Variants in CDKL5 observed in about 807,000 individuals in gnomAD.
CDKL5 encodes cyclin-dependent kinase-like 5.
In CDKL5, 8 loss-of-function variants were observed where a neutral mutation model predicts 61.7. That is an observed-to-expected ratio of 0.13 (90% CI 0.08 to 0.23). The LOEUF (loss-of-function observed/expected upper bound fraction) is 0.23, where lower values mean the gene tolerates loss of function less well. Ranked by LOEUF, CDKL5 falls within the 10% of genes least tolerant of loss-of-function variation. The pLI is 1.00. For missense variants in CDKL5, 440 were observed against 734.5 expected (o/e 0.60, Z 4.63); for synonymous variants, 275 against 272.3 (o/e 1.01, Z -0.10).
At chrX:18,430,946 C>T (rs1353428011) in intron 1 of CDKL5, among the ~76,000 whole-genome samples, 1 of 109,405 alleles carries the variant, frequency 9.1e-6, no homozygotes, top group Admixed American at 9.8e-5. Context: ...GCCGCAACCT[C>T]CGCCCCCCAG....
At chrX:18,565,481 A>G (rs1924939030) in intron 4 of CDKL5, among the ~76,000 whole-genome samples, 1 of 112,025 alleles carries the variant, frequency 8.9e-6, no homozygotes. Flanking sequence ...TTGAAAAACT[A>G]TGGTCTAAGA....
At chrX:18,595,576 A>T (rs1325418388) in intron 10 of CDKL5, 148 bp downstream of exon 10, 3 of 457,038 alleles carry the variant, frequency 6.6e-6, no homozygotes, top group Non-Finnish European at 1.2e-5. Flanking sequence ...ATTAAAAGGC[A>T]TGTAACTTAT....
chrX:18,630,489 T>A lies in CDKL5; in HGVS notation c.*1732T>A. 1.3e-6 allele frequency: 1 copy of A among 753,644 alleles called. No homozygotes were observed. Among genetic ancestry groups the A allele is most frequent in the Non-Finnish European group, 1.6e-6 (1 of 638,910 alleles). The allele number at this position is 753,644 out of a possible 1,213,427, so 62.1% of individuals were successfully genotyped here. A position where few individuals can be genotyped will look rare whatever the true frequency, so the allele number is the denominator to read the frequency against. ...GTGTCAGCCCCTGCATCAAGTCAGC[T>A]ATGATCAAAATGTGCTGTTACTGTT... On this transcript the variant is annotated 3_prime_UTR_variant, in exon 18 of 18. Coordinates refer to ENST00000623535, the MANE Select transcript of CDKL5 (RefSeq NM_001323289.2).
intron 3 of CDKL5, among the ~76,000 whole-genome samples, chrX:18,532,932 A>G: frequency 8.9e-6 from 1 of 111,991 alleles, no homozygotes; most frequent in African/African-American, 3.2e-5. Context: ...ACAAATTAGC[A>G]GTATATTTAA....
downstream of CDKL5, among the ~76,000 whole-genome samples, chrX:18,643,732 G>T (rs1224977250): frequency 1.8e-5 from 2 of 111,185 alleles, no homozygotes; most frequent in Admixed American, 1.9e-4. Context: ...CTGATTAAAT[G>T]TTGAAATTAG....
intron 21 of CDKL5, among the ~76,000 whole-genome samples, chrX:18,653,112 T>C (rs987807373): frequency 8.9e-6 from 1 of 112,375 alleles, no homozygotes; most frequent in Admixed American, 9.4e-5. Flanking sequence ...ATAATATTTC[T>C]GGAAGAATGG....
At position 18,575,433 on chromosome X, in the gene CDKL5, G is replaced by A. The variant is rs1266099667; in HGVS notation, c.225G>A (p.Leu75=). ...RTLKQENIVE[L]KEAFRRRGKL... ...TCAAGCAGGAAAACATTGTGGAGTT[G>A]AAGGAAGCATTTCGTCGGAGGGGAA... Residue 75 remains leucine, a synonymous_variant, in exon 5 of 18, where the codon TTG becomes TTA. Transcript: ENST00000623535. 1 of 1,209,727 alleles carries A rather than the reference G, an allele frequency of 8.3e-7. No homozygotes were observed. Among genetic ancestry groups the A allele is most frequent in the South Asian group, 1.8e-5 (1 of 56,968 alleles).
chrX:18,481,819 G>C (rs12008251), intron 1 of CDKL5, among the ~76,000 whole-genome samples: 5,187 of 110,542 alleles, frequency 0.047, 222 homozygotes, highest in East Asian at 0.19. Context: ...TGGGGTAGAG[G>C]TGCTGCCCTA....
intron 1 of CDKL5, among the ~76,000 whole-genome samples, chrX:18,435,318 A>G (rs998708072): frequency 1.8e-5 from 2 of 112,234 alleles, no homozygotes; most frequent in African/African-American, 6.5e-5. Flanking sequence ...TTAGCAATGC[A>G]AATGAAAAGA....
At position 18,650,416 on chromosome X, in the gene CDKL5, ACTT is replaced by A. The variant is rs1275358718; in HGVS notation, c.2807_2809del (p.Phe936del). 1.7e-6 allele frequency: 2 copies of A among 1,209,813 alleles called. No homozygotes were observed. The highest frequency in any genetic ancestry group is 2.2e-6 in the Non-Finnish European group (2 of 894,719). ...CCCTCTGAATATTTTCCAGGAGAAT[ACTT>A]CTGCTGTGGTGACCCAAAGAAGCCT... On this transcript the variant is annotated inframe_deletion, in exon 21 of 22. Transcript: ENST00000379989.
rs1927338300 is a variant in CDKL5, at chrX:18,634,834, G to A, written c.*6077G>A. The A allele has an allele frequency of 1.3e-6, 1 of 746,358 alleles. No homozygotes were observed. Among genetic ancestry groups the A allele is most frequent in the East Asian group, 1.5e-4 (1 of 6,513 alleles). 61.5% of individuals were successfully genotyped at this position (746,358 alleles called of 1,213,427 possible). Reference sequence around the variant, plus strand: ...CAGGTAGTTATTCTGTATATACTTAGCTAACTATTCAGAGCTTCTTCAATC... The same window carrying A: ...CAGGTAGTTATTCTGTATATACTTAACTAACTATTCAGAGCTTCTTCAATC... On this transcript the variant is annotated 3_prime_UTR_variant, in exon 18 of 18. Coordinates refer to ENST00000623535, the MANE Select transcript of CDKL5 (RefSeq NM_001323289.2).
In CDKL5 at chrX:18,629,355, T is replaced by G; in HGVS notation, c.*598T>G. On this transcript the variant is annotated 3_prime_UTR_variant, in exon 18 of 18. Transcript: ENST00000623535. ...GTTATAATGTAAAGTTATTTTGAGC[T>G]GTTTGAAACATTGTGAAGCAGTGGG... 2 of 695,388 alleles carry G rather than the reference T, an allele frequency of 2.9e-6. No individual in the cohort carries two copies. Among genetic ancestry groups the G allele is most frequent in the South Asian group, 1.5e-4 (2 of 13,600 alleles). The allele number at this position is 695,388 out of a possible 1,213,427, so 57.3% of individuals were successfully genotyped here. A position where few individuals can be genotyped will look rare whatever the true frequency, so the allele number is the denominator to read the frequency against.
At chrX:18,642,235 C>T, downstream of CDKL5, 3 of 1,032,212 alleles carry the variant, frequency 2.9e-6, no homozygotes, top group Non-Finnish European at 4.1e-6. Flanking sequence ...GAGCTAGCCC[C>T]AACTTTTAAC....
intron 4 of CDKL5, among the ~76,000 whole-genome samples, chrX:18,574,662 T>A (rs749920444): frequency 9.0e-6 from 1 of 111,075 alleles, no homozygotes; most frequent in South Asian, 3.9e-4. Flanking sequence ...AAGTTCTCCA[T>A]CCCAGAACAG....
intron 1 of CDKL5, among the ~76,000 whole-genome samples, chrX:18,466,701 CAG>C (rs1312057408): frequency 9.0e-6 from 1 of 111,232 alleles, no homozygotes; most frequent in Non-Finnish European, 1.9e-5. Context: ...TTTGTAGAGA[CAG>C]GGTTTCGCCA....
At chrX:18,541,676 G>A (rs1602250341) in intron 3 of CDKL5, among the ~76,000 whole-genome samples, 1 of 110,297 alleles carries the variant, frequency 9.1e-6, no homozygotes, top group Non-Finnish European at 1.9e-5. Context: ...GACCACAGAC[G>A]CGCCCAGCTA....
At chrX:18,617,387 C>T (rs1483115434) in intron 15 of CDKL5, among the ~76,000 whole-genome samples, 2 of 111,912 alleles carry the variant, frequency 1.8e-5, no homozygotes, top group African/African-American at 3.3e-5. Flanking sequence ...TTGTGCTGCT[C>T]CTCTTTACCC....
rs567145925 is a variant in CDKL5 at position 18,578,730 on chromosome X, T to C, written c.283-1118T>C. Among the ~76,000 whole-genome samples the C allele has an allele frequency of 3.5e-3, 393 of 112,012 alleles. 2 individuals are homozygous for C. The Middle Eastern group carries it at 0.046, about 13-fold the overall frequency. On this transcript the variant is annotated intron_variant, in intron 5 of 17. Coordinates refer to ENST00000623535, the MANE Select transcript of CDKL5 (RefSeq NM_001323289.2). ...AAGTGCTTTTCCTCAGGACAACCATTGGACAGATGGTGCATGTGCAGCAGA... is the reference window on the plus strand; with the variant it reads ...AAGTGCTTTTCCTCAGGACAACCATCGGACAGATGGTGCATGTGCAGCAGA...
At chrX:18,491,222 G>A (rs1019440999) in intron 1 of CDKL5, among the ~76,000 whole-genome samples, 3 of 112,027 alleles carry the variant, frequency 2.7e-5, no homozygotes, top group African/African-American at 9.7e-5. Context: ...TTTTATATTG[G>A]TGCCTTAGGA....
Sources: allele counts gnomAD v4.1 joint callset (sites outside exome capture counted in the v4.1 genomes callset), GRCh38; gene constraint gnomAD v4.1.1; transcripts MANE v1.5; gene names NCBI Gene and HGNC (gene_info 2026-07-23, HGNC 2026-07-21).